The following TDRD1 variants were observed in gnomAD, a reference collection of about 807,000 sequenced individuals.
TDRD1 encodes the protein tudor domain containing 1.
Under a neutral mutation model 140.6 loss-of-function variants are expected in TDRD1, and 37 were observed. That is an observed-to-expected ratio of 0.26 (90% CI 0.20 to 0.35). The LOEUF (loss-of-function observed/expected upper bound fraction) is 0.35. Ranked by LOEUF, TDRD1 falls within the 10% of genes least tolerant of loss-of-function variation. TDRD1 has a pLI of 1.00. For synonymous variants in TDRD1, 506 were observed against 475.7 expected (o/e 1.06, Z -0.83); for missense variants, 1,243 against 1,393.0 (o/e 0.89, Z 1.71).
intron 25 of TDRD1, among the ~76,000 whole-genome samples, chr10:114,230,936 G>A (rs577914231): frequency 1.8e-4 from 27 of 152,140 alleles, no homozygotes; most frequent in African/African-American, 4.6e-4. Flanking sequence ...GTGAGGTGGC[G>A]TGCACCTGTA....
upstream of TDRD1, among the ~76,000 whole-genome samples, chr10:114,177,575 T>C (rs1438191137): frequency 6.6e-6 from 1 of 152,178 alleles, no homozygotes; most frequent in Non-Finnish European, 1.5e-5. Context: ...GGAAGTCCCA[T>C]GGCCAAGAAG....
chr10:114,226,906 T>C (rs1256608097), intron 22 of TDRD1, among the ~76,000 whole-genome samples, 166 bp from the exon 23 acceptor site: 1 of 152,210 alleles, frequency 6.6e-6, no homozygotes, highest in Non-Finnish European at 1.5e-5. Flanking sequence ...TCAATCAATA[T>C]GTATTGAATA....
chr10:114,218,391 C>T, intron 17 of TDRD1, 23 bp from the exon 18 acceptor site: 1 of 1,479,186 alleles, frequency 6.8e-7, no homozygotes, highest in Non-Finnish European at 9.1e-7. Flanking sequence ...TGTTCCATGT[C>T]ACAAACTGTG....
chr10:114,227,384 C>G, intron 23 of TDRD1, 85 bp downstream of exon 23: 3 of 954,438 alleles, frequency 3.1e-6, no homozygotes, highest in Non-Finnish European at 5.0e-6. Flanking sequence ...CCTTTTCTCA[C>G]TTCCCATGCC....
At chr10:114,201,270 G>A in intron 4 of TDRD1, 140 bp from the exon 5 acceptor site, 1 of 654,116 alleles carries the variant, frequency 1.5e-6, no homozygotes, top group Non-Finnish European at 2.6e-6. Context: ...TATTCTCAGA[G>A]TTTAAAAGTA....
chr10:114,221,456 C>T, exon 20 of TDRD1: 2 of 1,613,262 alleles, frequency 1.2e-6, no homozygotes, highest in Non-Finnish European at 1.7e-6. Context: ...TTGTTTTATG[C>T]TCTACCAAAA....
chr10:114,184,554 G>A (rs2033366597), intron 1 of TDRD1, among the ~76,000 whole-genome samples: 1 of 152,244 alleles, frequency 6.6e-6, no homozygotes, highest in Admixed American at 6.5e-5. Flanking sequence ...AGCTTTCTCA[G>A]AAGCCCCCCT....
intron 3 of TDRD1, among the ~76,000 whole-genome samples, chr10:114,193,396 G>A (rs1380197555): frequency 2.7e-5 from 4 of 148,410 alleles, no homozygotes; most frequent in Non-Finnish European, 5.9e-5. Flanking sequence ...TGGTTCAAGC[G>A]ATTCTCCTGC....
At chr10:114,203,247 G>T in intron 7 of TDRD1, 71 bp downstream of exon 7, 2 of 1,487,242 alleles carry the variant, frequency 1.3e-6, no homozygotes, top group African/African-American at 1.4e-5. Flanking sequence ...TCCTATTTTT[G>T]AGTTCATGCG....
chr10:114,206,342 T>C lies in TDRD1; in HGVS notation c.1384+12T>C. On this transcript the variant is annotated intron_variant, in intron 11 of 25. Transcript: ENST00000251864. ...AAATGCAGATCAAAGTGAGTATAGA[T>C]TGATATTGAACGGTATAGCGACTTC... 1 of 1,608,974 alleles carries C rather than the reference T, an allele frequency of 6.2e-7. No individual in the cohort carries two copies. Among genetic ancestry groups the C allele is most frequent in the Non-Finnish European group, 8.5e-7 (1 of 1,176,402 alleles).
At chr10:114,186,998 A>T (rs557101823) in intron 1 of TDRD1, among the ~76,000 whole-genome samples, 1 of 152,202 alleles carries the variant, frequency 6.6e-6, no homozygotes. Flanking sequence ...GAGCAAAGCT[A>T]TCAGTCACTA....
intron 3 of TDRD1, among the ~76,000 whole-genome samples, chr10:114,192,292 CTTTTTTTTTTTTTTTTTTTT>C (rs938140798): frequency 1.3e-5 from 1 of 75,112 alleles, no homozygotes; most frequent in Non-Finnish European, 2.5e-5. Flanking sequence ...GATAGTTTTC[CTTTTTTTTTTTTTTTTTTTT>C]TTTTTTTTTG....
chr10:114,204,174 A>G lies in TDRD1; in HGVS notation c.1083A>G (p.Arg361=), dbSNP rs1445894370. Residue 361 remains arginine (R), a synonymous_variant, in exon 9 of 26, where the codon AGA becomes AGG. Coordinates refer to ENST00000251864, the Ensembl canonical transcript of TDRD1. ...ATGAAGAAATAATTCCATTAAACAG[A>G]ATTTACCACCTCAACAGGAACATTG... 3.8e-6 allele frequency: 6 copies of G among 1,598,974 alleles called. No individual in the cohort carries two copies. In the Admixed American group the frequency reaches 1.1e-4, roughly 29 times the overall value.
intron 2 of TDRD1, among the ~76,000 whole-genome samples, chr10:114,189,923 T>C (rs922144375): frequency 6.6e-6 from 1 of 152,216 alleles, no homozygotes; most frequent in African/African-American, 2.4e-5. Context: ...AACGTAACAA[T>C]ATGAAAAGTT....
At chr10:114,221,751 A>G (rs893578502) in intron 20 of TDRD1, among the ~76,000 whole-genome samples, 2 of 152,234 alleles carry the variant, frequency 1.3e-5, no homozygotes, top group African/African-American at 4.8e-5. Flanking sequence ...CTTGTTTAAA[A>G]AACACATTAT....
intron 4 of TDRD1, 111 bp downstream of exon 4, chr10:114,199,428 C>T: frequency 2.2e-6 from 3 of 1,343,562 alleles, no homozygotes; most frequent in Non-Finnish European, 3.0e-6. Context: ...GTCCCCATGC[C>T]ACACACCCGT....
intron 4 of TDRD1, among the ~76,000 whole-genome samples, chr10:114,199,686 C>T (rs2034599232): frequency 6.6e-6 from 1 of 152,098 alleles, no homozygotes; most frequent in Non-Finnish European, 1.5e-5. Context: ...TTTTGCCTGT[C>T]ATAGAATTCA....
At chr10:114,225,365 T>A (rs2036374652) in intron 21 of TDRD1, among the ~76,000 whole-genome samples, 1 of 152,206 alleles carries the variant, frequency 6.6e-6, no homozygotes. Flanking sequence ...TGCTTTTGAA[T>A]GAGCAGCACC....
chr10:114,227,088 T>G (rs747113677), exon 23 of TDRD1: 6 of 1,542,992 alleles, frequency 3.9e-6, no homozygotes, highest in African/African-American at 1.4e-5. Flanking sequence ...TGGAATTGAA[T>G]GGAAGCTCTT....
Sources: gnomAD v4.1 joint callset for allele counts (sites outside exome capture counted in the v4.1 genomes callset) on GRCh38, gnomAD v4.1.1 for gene constraint, MANE v1.5 for transcripts, NCBI Gene and HGNC (gene_info 2026-07-23, HGNC 2026-07-21) for gene names.